Variants in AIDA observed in about 807,000 individuals in gnomAD.
AIDA encodes the protein axin interactor, dorsalization-associated protein.
A neutral mutation model predicts 42.7 loss-of-function variants in AIDA; 18 were observed. That is an observed-to-expected ratio of 0.42 (90% CI 0.29 to 0.63). The LOEUF is 0.63. Ranked by LOEUF, AIDA falls within the 20% of genes least tolerant of loss-of-function variation. The probability of loss-of-function intolerance (pLI) is 0.19; values close to 1 mark genes in which losing one functional copy is unlikely to be tolerated. For missense variants in AIDA, 250 were observed against 354.1 expected (o/e 0.71, Z 2.36); for synonymous variants, 104 against 122.9 (o/e 0.85, Z 1.02).
chr1:222,706,363 T>C (rs954230060), intron 1 of AIDA, among the ~76,000 whole-genome samples: 29 of 152,128 alleles, frequency 1.9e-4, no homozygotes, highest in African/African-American at 7.0e-4. Context: ...ATGCAAAGAC[T>C]TGCATTTGAA....
At chr1:222,701,180 C>T (rs972121131) in intron 2 of AIDA, among the ~76,000 whole-genome samples, 1 of 152,118 alleles carries the variant, frequency 6.6e-6, no homozygotes, top group African/African-American at 2.4e-5. Flanking sequence ...CCAGGCCGGT[C>T]TTGAACTCCT....
At chr1:222,675,833 T>C (rs1429495859) in intron 7 of AIDA, among the ~76,000 whole-genome samples, 1 of 152,102 alleles carries the variant, frequency 6.6e-6, no homozygotes, top group African/African-American at 2.4e-5. Flanking sequence ...AGATGGGATG[T>C]TAAGAATAAA....
In AIDA at chr1:222,689,503, A is replaced by G. The variant is rs1167541159; in HGVS notation, c.290-1845T>C. On this transcript the variant is annotated intron_variant, in intron 4 of 9. Transcript: ENST00000340020. ...TGTGTATATATATATATATATATAT[A>G]TATATATATATATATATACACACAT... is the stretch of plus-strand genomic sequence containing the variant. Among the ~76,000 whole-genome samples the G allele has an allele frequency of 5.1e-4, 37 of 72,214 alleles. 1 individual carries two copies. The highest frequency in any genetic ancestry group is 8.1e-4 in the African/African-American group (17 of 21,002). 47.4% of individuals were successfully genotyped at this position (72,214 alleles called of 152,430 possible). A position where few individuals can be genotyped will look rare whatever the true frequency, so the allele number is the denominator to read the frequency against.
At chr1:222,700,447 T>G (rs1412118161) in intron 2 of AIDA, among the ~76,000 whole-genome samples, 2 of 152,140 alleles carry the variant, frequency 1.3e-5, no homozygotes, top group African/African-American at 4.8e-5. Flanking sequence ...TGCCTCCTGG[T>G]CCTTTTGGGG....
chr1:222,694,325 CAA>C, intron 2 of AIDA, 62 bp from the exon 3 acceptor site: 1 of 1,331,108 alleles, frequency 7.5e-7, no homozygotes, highest in South Asian at 1.3e-5. Flanking sequence ...TTCAAATCAT[CAA>C]GTTAATTTTT....
rs138122487 is a variant in AIDA, at chr1:222,708,704, T to A, written c.110+3504A>T. Among the ~76,000 whole-genome samples the A allele has an allele frequency of 1.5e-3, 224 of 152,258 alleles. 6 individuals are homozygous for A. The South Asian group carries it at 0.021, about 14-fold the overall frequency. The stretch of plus-strand genomic sequence containing the variant: ...ATTTATTGAGTATCCATGTGCTAGA[T>A]AAATATCTCAGGATTGATCCTGTGA... On this transcript the variant is annotated intron_variant, in intron 1 of 9. Transcript: ENST00000340020.
Position 222,693,812 on chromosome 1 carries a change from T to G in AIDA, c.266A>C (p.Glu89Ala), listed in dbSNP as rs992463116. ...STQSQEEFKL[E>A]DLKKLEPILK... ...ACTTGGTTCTAGCTTCTTCAGGTCC[T>G]CCAGTTTAAATTCTTCTTGAGACTG... Residue 89 changes from glutamate (E) to alanine (A), a missense_variant, in exon 4 of 10, where the codon GAG becomes GCG. Physicochemically the swap from Glu to Ala is moderately radical, Grantham distance 107. This residue lies in a region of AIDA where 199 missense variants were observed against 232.6 expected (regional missense o/e 0.86). Coordinates refer to ENST00000340020, the MANE Select transcript of AIDA (RefSeq NM_022831.4). The G allele has an allele frequency of 6.2e-7, 1 of 1,610,300 alleles. No homozygotes were observed. The highest frequency in any genetic ancestry group is 1.1e-5 in the South Asian group (1 of 90,682).
At chr1:222,688,323 CA>C (rs1391296585) in intron 4 of AIDA, among the ~76,000 whole-genome samples, 1 of 152,120 alleles carries the variant, frequency 6.6e-6, no homozygotes, top group Non-Finnish European at 1.5e-5. Context: ...TTATAATTCT[CA>C]TATTTCTTTT....
intron 7 of AIDA, 86 bp downstream of exon 7, chr1:222,676,010 C>T: frequency 7.0e-7 from 1 of 1,431,826 alleles, no homozygotes; most frequent in African/African-American, 1.5e-5. Flanking sequence ...AGACTCCCCG[C>T]CCCACCACCA....
At chr1:222,712,131 T>TGA in intron 1 of AIDA, 77 bp downstream of exon 1, 1 of 1,544,898 alleles carries the variant, frequency 6.5e-7, no homozygotes. Context: ...GATACGGTGA[T>TGA]GAGAGACACC....
At chr1:222,692,393 G>A (rs1655396621) in intron 4 of AIDA, among the ~76,000 whole-genome samples, 3 of 152,110 alleles carry the variant, frequency 2.0e-5, no homozygotes, top group African/African-American at 4.8e-5. Flanking sequence ...CCACCCTCCT[G>A]AAGCTTACAC....
chr1:222,706,350 T>C (rs573052193), intron 1 of AIDA, among the ~76,000 whole-genome samples: 2 of 152,232 alleles, frequency 1.3e-5, no homozygotes, highest in South Asian at 4.1e-4. Flanking sequence ...AAAATATATG[T>C]CCATGCAAAG....
At chr1:222,707,071 A>C (rs994370175) in intron 1 of AIDA, among the ~76,000 whole-genome samples, 1 of 152,066 alleles carries the variant, frequency 6.6e-6, no homozygotes, top group South Asian at 2.1e-4. Flanking sequence ...ATCTTGGTAA[A>C]TTTCACTAAA....
intron 8 of AIDA, among the ~76,000 whole-genome samples, chr1:222,671,408 T>G (rs1458331343): frequency 2.0e-5 from 3 of 152,186 alleles, no homozygotes; most frequent in East Asian, 1.9e-4. Context: ...AGTGTCTCAC[T>G]CTTCACCAGC....
chr1:222,697,103 C>G (rs1378561548), intron 2 of AIDA, among the ~76,000 whole-genome samples: 1 of 151,850 alleles, frequency 6.6e-6, no homozygotes, highest in Non-Finnish European at 1.5e-5. Flanking sequence ...CCACCGCGCC[C>G]GGCTAATTTC....
At chr1:222,702,593 C>T (rs1655739137) in intron 2 of AIDA, among the ~76,000 whole-genome samples, 1 of 152,188 alleles carries the variant, frequency 6.6e-6, no homozygotes, top group Non-Finnish European at 1.5e-5. Context: ...CAACCTTACG[C>T]ATTTATTTTG....
At chr1:222,710,448 T>C (rs1343282124) in intron 1 of AIDA, among the ~76,000 whole-genome samples, 1 of 152,234 alleles carries the variant, frequency 6.6e-6, no homozygotes, top group Non-Finnish European at 1.5e-5. Context: ...CAATTGGACA[T>C]GGTATTCTTC....
chr1:222,673,260 A>T, intron 8 of AIDA, 53 bp downstream of exon 8: 1 of 1,520,684 alleles, frequency 6.6e-7, no homozygotes, highest in Non-Finnish European at 8.9e-7. Flanking sequence ...ACAAACACAA[A>T]TAAGATGAGA....
chr1:222,686,789 T>C, intron 6 of AIDA, 141 bp downstream of exon 6: 1 of 945,476 alleles, frequency 1.1e-6, no homozygotes, highest in Non-Finnish European at 1.6e-6. Flanking sequence ...ATGAAATAGC[T>C]ACTGCCAATA....
Sources: gnomAD v4.1 joint callset for allele counts (sites outside exome capture counted in the v4.1 genomes callset) on GRCh38, gnomAD v4.1.1 for gene constraint, gnomAD v4.1.1 regional missense constraint, MANE v1.5 for transcripts, NCBI Gene and HGNC (gene_info 2026-07-23, HGNC 2026-07-21) for gene names.